PCNT: variants seen among roughly 807,000 people sequenced by gnomAD.
PCNT encodes the protein kendrin.
In PCNT, 319 loss-of-function variants were observed where a neutral mutation model predicts 380.4. The ratio of observed to expected loss-of-function variants is 0.84; its 90% CI spans 0.77 to 0.92. The LOEUF is 0.92. PCNT is among the 40% of genes least tolerant of loss of function. PCNT has a pLI of 0.00. For missense variants in PCNT, 4,400 were observed against 4,255.3 expected (o/e 1.03, Z -0.95); for synonymous variants, 1,845 against 1,735.2 (o/e 1.06, Z -1.57).
In PCNT at chr21:46,416,281, C is replaced by T; in HGVS notation, c.6363C>T (p.Asp2121=). The part of the protein sequence containing the change: ...SDDSCDGEEP[D]ISPHIDTCDA... ...ATTCCTGTGACGGAGAAGAGCCTGA[C>T]ATATCACCCCACATAGACACATGTG... is the stretch of plus-strand genomic sequence containing the variant. Residue 2121 remains aspartate (D), a synonymous_variant, in exon 30 of 47, where the codon GAC becomes GAT. Coordinates refer to ENST00000359568, the MANE Select transcript of PCNT (RefSeq NM_006031.6). 9 of 1,614,176 alleles carry T rather than the reference C, an allele frequency of 5.6e-6. No individual in the cohort carries two copies. The highest frequency in any genetic ancestry group is 7.6e-6 in the Non-Finnish European group (9 of 1,180,030).
Position 46,398,345 on chromosome 21 carries a change from T to G in PCNT, c.4584+90T>G. Reference sequence around the variant, plus strand: ...GGACTGTCCTGCCACCCACTCGCTTTTCTTGCTCTTGTTTGGGCTGCAGCC... The same window carrying G: ...GGACTGTCCTGCCACCCACTCGCTTGTCTTGCTCTTGTTTGGGCTGCAGCC... On this transcript the variant is annotated intron_variant, in intron 24 of 46. Transcript: ENST00000359568. The G allele has an allele frequency of 3.0e-6, 4 of 1,353,996 alleles. No homozygotes were observed. In the South Asian group the frequency reaches 3.7e-5, roughly 13 times the overall value. 83.9% of individuals were successfully genotyped at this position (1,353,996 alleles called of 1,614,324 possible).
chr21:46,327,101 C>G (rs1056356763), intron 2 of PCNT, among the ~76,000 whole-genome samples: 2 of 151,642 alleles, frequency 1.3e-5, no homozygotes, highest in Non-Finnish European at 2.9e-5. Context: ...CGCTCTGTCT[C>G]CCAGGCTGGA....
chr21:46,363,775 A>T lies in PCNT; in HGVS notation c.2450A>T (p.Gln817Leu). The T allele has an allele frequency of 6.2e-7, 1 of 1,613,944 alleles. No individual in the cohort carries two copies. Among genetic ancestry groups the T allele is most frequent in the Non-Finnish European group, 8.5e-7 (1 of 1,179,866 alleles). The change falls in exon 14 of 47, where the codon CAG (glutamine) becomes CTG (leucine). Residue 817 changes from glutamine to leucine, a missense_variant. Gln to Leu is a moderately radical substitution (Grantham distance 113, BLOSUM62 -2). Transcript: ENST00000359568. Reference sequence around the variant, plus strand: ...GATCTGGAGAGGTCCTTGACGGAGCAGCAGGGCCGCCTGCAGCAGCTGGAA... The same window carrying T: ...GATCTGGAGAGGTCCTTGACGGAGCTGCAGGGCCGCCTGCAGCAGCTGGAA... ...ILDLERSLTEQQGRLQQLEQD... is the reference protein window; with the variant it reads ...ILDLERSLTELQGRLQQLEQD...
In PCNT at chr21:46,366,714, T is replaced by C; in HGVS notation, c.2740T>C (p.Ser914Pro). 6.2e-7 allele frequency: 1 copy of C among 1,613,650 alleles called. No homozygotes were observed. The highest frequency in any genetic ancestry group is 8.5e-7 in the Non-Finnish European group (1 of 1,180,032). ...GGAGAGACACCAGCAGCAGCTCCTG[T>C]CAGTGACGGCGGAGCTCGAGGCCAG... ...LQERHQQQLLSVTAELEARHQ... is the reference protein window; with the variant it reads ...LQERHQQQLLPVTAELEARHQ... Residue 914 changes from serine to proline, a missense_variant, in exon 15 of 47, where the codon TCA becomes CCA. Physicochemically the swap from Ser to Pro is moderately conservative, Grantham distance 74 (BLOSUM62 -1). Coordinates refer to ENST00000359568, the MANE Select transcript of PCNT (RefSeq NM_006031.6).
chr21:46,417,481 C>T (rs1279017731), intron 30 of PCNT, among the ~76,000 whole-genome samples: 3 of 152,156 alleles, frequency 2.0e-5, no homozygotes, highest in Middle Eastern at 3.2e-3. Flanking sequence ...CGTGAGCCAC[C>T]ATGCTCAGCC....
chr21:46,381,605 T>C, intron 15 of PCNT, 89 bp from the exon 16 acceptor site: 1 of 1,220,102 alleles, frequency 8.2e-7, no homozygotes, highest in Non-Finnish European at 1.2e-6. Flanking sequence ...GCTCCATGCA[T>C]ATCTGCTGAA....
intron 15 of PCNT, among the ~76,000 whole-genome samples, chr21:46,374,268 G>C (rs2085259230): frequency 6.6e-6 from 1 of 152,142 alleles, no homozygotes; most frequent in Non-Finnish European, 1.5e-5. Context: ...AAGACACCAT[G>C]TGTCTGCGAG....
rs1189857776 is a variant in PCNT at position 46,363,841 on chromosome 21, G to T, written c.2516G>T (p.Cys839Phe). 5.0e-6 allele frequency: 8 copies of T among 1,612,150 alleles called. No individual in the cohort carries two copies. The Admixed American group carries it at 1.3e-4, about 27-fold the overall frequency. ...TSDDALHCSQ[C>F]GREPPTAQDG... ...GACGACGCCCTGCATTGCAGCCAGTGTGGGCGGGAGCCGCCCACAGCCCAG... is the reference window on the plus strand; with the variant it reads ...GACGACGCCCTGCATTGCAGCCAGTTTGGGCGGGAGCCGCCCACAGCCCAG... The change falls in exon 14 of 47, where the codon TGT becomes TTT. Residue 839 changes from cysteine to phenylalanine, a missense_variant. By Grantham distance (205) the Cys-to-Phe change is radical. Transcript: ENST00000359568.
At position 46,369,743 on chromosome 21, in the gene PCNT, C is replaced by T. The variant is rs187165596; in HGVS notation, c.3165+2604C>T. Among the ~76,000 whole-genome samples, 473 of 152,292 alleles carry T rather than the reference C, an allele frequency of 3.1e-3. 3 individuals carry two copies. Among genetic ancestry groups the T allele is most frequent in the African/African-American group, 0.011 (452 of 41,548 alleles). ...CTGTGCCCTGTGTGGGGATGTGGCA[C>T]ATCTGGATGTTTCCTGGACGGAAGG... On this transcript the variant is annotated intron_variant, in intron 15 of 46. Coordinates refer to ENST00000359568, the MANE Select transcript of PCNT (RefSeq NM_006031.6).
rs527413251 is a variant in PCNT, at chr21:46,334,549, A to G, written c.420A>G (p.Pro140=). The G allele has an allele frequency of 1.3e-6, 2 of 1,599,594 alleles. No homozygotes were observed. Among genetic ancestry groups the G allele is most frequent in the Non-Finnish European group, 8.5e-7 (1 of 1,169,856 alleles). The change falls in exon 3 of 47, where the codon CCA becomes CCG. Residue 140 remains proline, a synonymous_variant. Coordinates refer to ENST00000359568, the MANE Select transcript of PCNT (RefSeq NM_006031.6). ...HGMFTVGDHP[P]EQRGMFTVSD... is the part of the protein sequence containing the mutation. ...TGTTCACAGTCGGTGACCACCCACCAGAACAGCGTGGGATGTTCACAGTCA... is the reference window on the plus strand; with the variant it reads ...TGTTCACAGTCGGTGACCACCCACCGGAACAGCGTGGGATGTTCACAGTCA...
At position 46,433,383 on chromosome 21, in the gene PCNT, CA is replaced by C. The variant is rs367687424; in HGVS notation, c.8751+1175del. On this transcript the variant is annotated intron_variant, in intron 38 of 46. Coordinates refer to ENST00000359568, the MANE Select transcript of PCNT (RefSeq NM_006031.6). ...GGGCAACAAGAGCGAGACTCCATCT[CA>C]AAAAAACAAAAACACTCTTTGGAAT... Among the ~76,000 whole-genome samples the C allele has an allele frequency of 6.1e-3, 921 of 151,862 alleles. 3 individuals are homozygous for C. The highest frequency in any genetic ancestry group is 0.024 in the Middle Eastern group (7 of 294).
chr21:46,342,628 C>T (rs2083942178), intron 3 of PCNT, among the ~76,000 whole-genome samples: 1 of 151,924 alleles, frequency 6.6e-6, no homozygotes, highest in Non-Finnish European at 1.5e-5. Context: ...GCAACCTCCG[C>T]CTCCCGGGTT....
At position 46,425,777 on chromosome 21, in the gene PCNT, C is replaced by G. The variant is rs113128848; in HGVS notation, c.7180-54C>G. The G allele has an allele frequency of 6.2e-7, 1 of 1,609,944 alleles. No individual in the cohort carries two copies. The highest frequency in any genetic ancestry group is 1.3e-5 in the African/African-American group (1 of 74,960). ...GCTCGGGGCCGCAGGTGGTGTAGAG[C>G]GTGGCTGTGTGGGGTGGCAGGCAAC... is the stretch of plus-strand genomic sequence containing the variant. On this transcript the variant is annotated intron_variant, in intron 32 of 46. Transcript: ENST00000359568. This position sits in a 1 kb window ranked among gnomAD's most constrained non-coding sequence, Gnocchi z 4.2.
intron 2 of PCNT, among the ~76,000 whole-genome samples, chr21:46,327,153 C>T (rs1265199909): frequency 4.0e-5 from 6 of 151,058 alleles, no homozygotes; most frequent in African/African-American, 9.7e-5. Context: ...CTCCGCCTCC[C>T]GGGTTCATGC....
intron 2 of PCNT, among the ~76,000 whole-genome samples, chr21:46,332,083 C>G (rs1266961201): frequency 1.3e-5 from 2 of 152,186 alleles, no homozygotes; most frequent in East Asian, 3.9e-4. Flanking sequence ...TCACTTGAAC[C>G]CGGGAGGCAG....
intron 15 of PCNT, among the ~76,000 whole-genome samples, chr21:46,367,901 A>G (rs952861419): frequency 6.6e-6 from 1 of 152,214 alleles, no homozygotes; most frequent in Non-Finnish European, 1.5e-5. Context: ...GGCCAGGCAC[A>G]ATGGCTCACG....
intron 1 of PCNT, among the ~76,000 whole-genome samples, chr21:46,325,415 C>T (rs1439870620): frequency 6.6e-6 from 1 of 152,184 alleles, no homozygotes; most frequent in African/African-American, 2.4e-5. Flanking sequence ...GACAAGACGC[C>T]GCCTGTAGGG....
At chr21:46,351,307 G>A in intron 8 of PCNT, 122 bp from the exon 9 acceptor site, 1 of 746,254 alleles carries the variant, frequency 1.3e-6, no homozygotes, top group Non-Finnish European at 2.5e-6. Context: ...CCGAGCTGCA[G>A]GTTTGGGATG....
chr21:46,430,494 T>A lies in PCNT; in HGVS notation c.7914-13T>A, dbSNP rs373126441. The A allele has an allele frequency of 1.3e-6, 2 of 1,550,202 alleles. No homozygotes were observed. Among genetic ancestry groups the A allele is most frequent in the Admixed American group, 3.9e-5 (2 of 51,082 alleles). On this transcript the variant is annotated splice_polypyrimidine_tract_variant and intron_variant, in intron 36 of 46. Coordinates refer to ENST00000359568, the MANE Select transcript of PCNT (RefSeq NM_006031.6). The stretch of plus-strand genomic sequence containing the variant: ...CCCACGTGGTCAGATTGTTCTGCGA[T>A]GTCTCCACGCAGATCCATGCTGAGC...
Sources: allele counts gnomAD v4.1 joint callset (sites outside exome capture counted in the v4.1 genomes callset), GRCh38; gene constraint gnomAD v4.1.1; non-coding constraint Gnocchi (gnomAD v3.1); transcripts MANE v1.5; gene names NCBI Gene and HGNC (gene_info 2026-07-23, HGNC 2026-07-21).